ATG16L1: variants seen among roughly 807,000 people sequenced by gnomAD.
ATG16L1 encodes autophagy related 16 like 1, also known as autophagy-related protein 16-1.
A neutral mutation model predicts 88.5 loss-of-function variants in ATG16L1; 37 were observed. The ratio of observed to expected loss-of-function variants is 0.42; its 90% confidence interval spans 0.32 to 0.55. The LOEUF (loss-of-function observed/expected upper bound fraction) is 0.55. Among genes scored for constraint, ATG16L1 ranks in the 20% least tolerant of loss-of-function variants. The pLI is 0.13. For missense variants in ATG16L1, 554 were observed against 752.8 expected, an observed-to-expected ratio of 0.74 and a Z score of 3.09; for synonymous variants, 301 against 281.0, an observed-to-expected ratio of 1.07 and a Z score of -0.71.
chr2:233,288,859 C>G, intron 12 of ATG16L1: 1 of 519,230 alleles, frequency 1.9e-6, no homozygotes, highest in Non-Finnish European at 3.8e-6. Flanking sequence ...TGGTTGGCAT[C>G]CAACAGCTTA....
rs1420330153 is a variant in ATG16L1, at chr2:233,263,227, C to T, written c.307C>T (p.Arg103Cys). The change falls in exon 3 of 18, where the codon CGT (arginine) becomes TGT (cysteine). Residue 103 changes from arginine to cysteine, a missense_variant. By Grantham distance (180) the Arg-to-Cys change is radical. Transcript: ENST00000392017. ...QEELTELHKK[R>C]GELAQLVIDL... ...GGAACTGACTGAATTACACAAGAAA[C>T]GTGGGGAGGTAAAGCTAGCCCTTTT... The T allele has an allele frequency of 9.9e-6, 16 of 1,613,576 alleles. No individual in the cohort carries two copies. The highest frequency in any genetic ancestry group is 1.7e-5 in the Admixed American group (1 of 59,974).
At chr2:233,286,963 C>T (rs950398518) in intron 12 of ATG16L1, among the ~76,000 whole-genome samples, 3 of 151,948 alleles carry the variant, frequency 2.0e-5, no homozygotes, top group South Asian at 2.1e-4. Context: ...ACAATACGTA[C>T]GAGGAGCCAA....
chr2:233,274,894 C>G (rs1698242719), intron 9 of ATG16L1, 116 bp downstream of exon 9: 2 of 678,236 alleles, frequency 2.9e-6, no homozygotes, highest in Non-Finnish European at 4.7e-6. Context: ...TTATATCAAG[C>G]CTTTCCACCT....
In ATG16L1 at chr2:233,292,380, G is replaced by C. The variant is rs1322553174; in HGVS notation, c.1581-7G>C. ...CCTCAGTGACAGTGCCCTGTTGTTT[G>C]TTTCAGTGCACCTGGGTTCAAGTGC... is the stretch of plus-strand genomic sequence containing the variant. On this transcript the variant is annotated splice_polypyrimidine_tract_variant and splice_region_variant and intron_variant, in intron 15 of 17. Transcript: ENST00000392017. 1.2e-6 allele frequency: 2 copies of C among 1,613,784 alleles called. No homozygotes were observed. The highest frequency in any genetic ancestry group is 1.3e-5 in the African/African-American group (1 of 74,936).
chr2:233,254,251 G>C (rs1009210255), intron 1 of ATG16L1, among the ~76,000 whole-genome samples: 8 of 152,244 alleles, frequency 5.3e-5, no homozygotes, highest in African/African-American at 1.9e-4. Context: ...AGAGTAGCGA[G>C]TAATACCTGC....
At chr2:233,266,364 C>T (rs745676403) in intron 5 of ATG16L1, among the ~76,000 whole-genome samples, 1 of 152,114 alleles carries the variant, frequency 6.6e-6, no homozygotes, top group Non-Finnish European at 1.5e-5. Context: ...GAGGCTGCTG[C>T]GGGAGAGTTG....
rs143899585 is a variant in ATG16L1, at chr2:233,253,503, G to A, written c.115+1561G>A. On this transcript the variant is annotated intron_variant, in intron 1 of 17. Coordinates refer to ENST00000392017, the MANE Select transcript of ATG16L1 (RefSeq NM_030803.7). ...TGGAACTATAGGCAAGCACCGCCAC[G>A]CCCAGCTAATTTTTGTATTTTTAGT... Among the ~76,000 whole-genome samples, 16 of 151,798 alleles carry A rather than the reference G, an allele frequency of 1.1e-4. No homozygotes were observed. The South Asian group carries it at 1.7e-3, about 16-fold the overall frequency.
chr2:233,277,371 T>C (rs1294821150), intron 9 of ATG16L1, 197 bp from the exon 10 acceptor site: 1 of 512,670 alleles, frequency 2.0e-6, no homozygotes, highest in Non-Finnish European at 3.5e-6. Flanking sequence ...TGCACTCTAA[T>C]GCAACTGTAA....
chr2:233,294,109 T>A (rs1699651118), intron 17 of ATG16L1, 148 bp from the exon 18 acceptor site: 1 of 562,806 alleles, frequency 1.8e-6, no homozygotes. Context: ...AGTGAGCTCC[T>A]GCCTTGTCGC....
chr2:233,260,356 A>G (rs1456942069), intron 2 of ATG16L1, among the ~76,000 whole-genome samples: 1 of 152,040 alleles, frequency 6.6e-6, no homozygotes, highest in Non-Finnish European at 1.5e-5. Flanking sequence ...TCTATTAGAA[A>G]CTCTGGGGGT....
At chr2:233,271,469 G>T (rs1043427757) in intron 6 of ATG16L1, among the ~76,000 whole-genome samples, 4 of 152,130 alleles carry the variant, frequency 2.6e-5, no homozygotes, top group Non-Finnish European at 5.9e-5. Flanking sequence ...GTAGAGATGG[G>T]GTTTCTCCAT....
chr2:233,281,317 T>C, intron 11 of ATG16L1, 142 bp downstream of exon 11: 1 of 663,204 alleles, frequency 1.5e-6, no homozygotes, highest in Non-Finnish European at 2.5e-6. Flanking sequence ...AAGATGGAAA[T>C]AGATTATAGG....
At chr2:233,293,191 G>C in intron 16 of ATG16L1, 65 bp from the exon 17 acceptor site, 1 of 1,382,634 alleles carries the variant, frequency 7.2e-7, no homozygotes, top group Non-Finnish European at 1.0e-6. Context: ...TGGGAAAAAG[G>C]CCACAGAGAT....
chr2:233,285,310 A>C (rs1400456157), intron 12 of ATG16L1, among the ~76,000 whole-genome samples: 1 of 152,264 alleles, frequency 6.6e-6, no homozygotes, highest in Middle Eastern at 3.2e-3. Flanking sequence ...AAGTTGAGTC[A>C]ACCAGTAGTG....
At chr2:233,292,305 A>G (rs760566100) in intron 15 of ATG16L1, 28 bp downstream of exon 15, 1 of 1,613,336 alleles carries the variant, frequency 6.2e-7, no homozygotes, top group Non-Finnish European at 8.5e-7. Context: ...GGTTGCATGA[A>G]GACCAGAGGC....
chr2:233,260,950 TGTTA>T (rs2125214450), intron 2 of ATG16L1, among the ~76,000 whole-genome samples: 1 of 152,234 alleles, frequency 6.6e-6, no homozygotes, highest in Non-Finnish European at 1.5e-5. Context: ...TTCTTTGTGT[TGTTA>T]GTTTTTGTTT....
chr2:233,269,000 AAAG>A (rs1697795493), intron 5 of ATG16L1, among the ~76,000 whole-genome samples: 1 of 152,242 alleles, frequency 6.6e-6, no homozygotes, highest in African/African-American at 2.4e-5. Flanking sequence ...GAAATTTATC[AAAG>A]AAGAGAGAGT....
Position 233,274,747 on chromosome 2 carries a change from T to C in ATG16L1, c.923T>C (p.Val308Ala), listed in dbSNP as rs1350810591. The C allele has an allele frequency of 3.1e-6, 5 of 1,612,576 alleles. No individual in the cohort carries two copies. The African/African-American group carries it at 4.0e-5, about 13-fold the overall frequency. Reference sequence around the variant, plus strand: ...ACTCATCCTGGTTCTGGTAAAGAAGTGAGGGTACCAGCTACTGCCTTGTGT... The same window carrying C: ...ACTCATCCTGGTTCTGGTAAAGAAGCGAGGGTACCAGCTACTGCCTTGTGT... The part of the protein sequence containing the change: ...VDTHPGSGKE[V>A]RVPATALCVF... Residue 308 changes from valine to alanine, a missense_variant, in exon 9 of 18, where the codon GTG becomes GCG. Physicochemically the swap from Val to Ala is moderately conservative, Grantham distance 64 (BLOSUM62 0). Coordinates refer to ENST00000392017, the MANE Select transcript of ATG16L1 (RefSeq NM_030803.7).
chr2:233,275,847 T>C (rs765970952), intron 9 of ATG16L1: 13 of 519,124 alleles, frequency 2.5e-5, no homozygotes, highest in Non-Finnish European at 4.6e-5. Context: ...TATGGGATCA[T>C]GGAGCAGCTG....
Sources: allele counts gnomAD v4.1 joint callset (sites outside exome capture counted in the v4.1 genomes callset), GRCh38; gene constraint gnomAD v4.1.1; transcripts MANE v1.5; gene names NCBI Gene and HGNC (gene_info 2026-07-23, HGNC 2026-07-21).